The following PLD5 variants were observed in gnomAD, a reference collection of about 807,000 sequenced individuals.
PLD5 encodes the protein phospholipase D family member 5, also known as inactive phospholipase D5.
Under a neutral mutation model 61.1 loss-of-function variants are expected in PLD5, and 36 were observed. The observed-to-expected ratio is 0.59, with a 90% confidence interval of 0.45 to 0.78. PLD5 has a LOEUF of 0.78. PLD5 is among the 30% of genes least tolerant of loss of function. The probability of loss-of-function intolerance (pLI) is 0.00; values close to 1 mark genes in which losing one functional copy is unlikely to be tolerated. For synonymous variants in PLD5, 243 were observed against 242.8 expected, an observed-to-expected ratio of 1.00 and a Z score of -0.01; for missense variants, 515 against 644.4, an observed-to-expected ratio of 0.80 and a Z score of 2.17.
intron 4 of PLD5, among the ~76,000 whole-genome samples, chr1:242,247,046 C>A (rs561528923): frequency 2.4e-4 from 36 of 148,682 alleles, no homozygotes; most frequent in African/African-American, 4.0e-4. Flanking sequence ...TGCAGTGGCG[C>A]GATCTCGACT....
intron 4 of PLD5, among the ~76,000 whole-genome samples, chr1:242,247,487 C>T (rs1228590840): frequency 6.6e-6 from 1 of 152,158 alleles, no homozygotes; most frequent in Non-Finnish European, 1.5e-5. Context: ...TGTGACTTAA[C>T]CCTTGCCTTG....
At chr1:242,422,770 C>T (rs2149300644) in intron 1 of PLD5, among the ~76,000 whole-genome samples, 1 of 151,626 alleles carries the variant, frequency 6.6e-6, no homozygotes, top group South Asian at 2.1e-4. Context: ...GCATTATGAG[C>T]AAAAAGCAGC....
At chr1:242,483,734 A>T (rs1667863510) in intron 1 of PLD5, among the ~76,000 whole-genome samples, 1 of 152,102 alleles carries the variant, frequency 6.6e-6, no homozygotes. Flanking sequence ...AGAACTCTCC[A>T]CCCCAAATCA....
At chr1:242,479,672 A>T (rs1667706980) in intron 1 of PLD5, among the ~76,000 whole-genome samples, 1 of 152,168 alleles carries the variant, frequency 6.6e-6, no homozygotes, top group Non-Finnish European at 1.5e-5. Context: ...TAACATGCTG[A>T]TGCTAAAATA....
At chr1:242,365,984 G>A (rs1461757477) in intron 1 of PLD5, among the ~76,000 whole-genome samples, 1 of 152,084 alleles carries the variant, frequency 6.6e-6, no homozygotes, top group East Asian at 1.9e-4. Flanking sequence ...GGTTTAGGTG[G>A]CATCATTAGT....
chr1:242,501,438 C>G (rs1379869813), intron 1 of PLD5, among the ~76,000 whole-genome samples: 5 of 152,190 alleles, frequency 3.3e-5, no homozygotes, highest in Non-Finnish European at 7.3e-5. Context: ...TCCACTAACT[C>G]TCGTATGACC....
intron 4 of PLD5, among the ~76,000 whole-genome samples, chr1:242,261,708 T>C (rs779289951): frequency 5.3e-5 from 8 of 152,136 alleles, no homozygotes; most frequent in Non-Finnish European, 1.0e-4. Context: ...CAAGAGAATA[T>C]GGAAATGGTC....
intron 4 of PLD5, among the ~76,000 whole-genome samples, chr1:242,221,881 T>C (rs990680686): frequency 6.6e-6 from 1 of 152,166 alleles, no homozygotes; most frequent in African/African-American, 2.4e-5. Context: ...AGATACGGGA[T>C]TAGTTCCCTA....
chr1:242,107,739 G>A lies in PLD5; in HGVS notation c.1171C>T (p.Leu391Phe). The A allele has an allele frequency of 5.0e-6, 8 of 1,611,712 alleles. No homozygotes were observed. Among genetic ancestry groups the A allele is most frequent in the Non-Finnish European group, 5.9e-6 (7 of 1,179,500 alleles). The change falls in exon 8 of 10, where the codon CTT becomes TTT. Residue 391 changes from leucine (L) to phenylalanine (F), a missense_variant. Leu to Phe is a conservative substitution (Grantham distance 22). Coordinates refer to ENST00000536534, the MANE Select transcript of PLD5 (RefSeq NM_001372062.1). ...AGAGATGAAATAAAGTTAAACGTAA[G>A]GGGATCAGTTTCCTTCCAGAAGCTT... is the stretch of plus-strand genomic sequence containing the variant. Reference protein sequence around the residue: ...LLSFWKETDPLTFNFISSLKA... With the variant: ...LLSFWKETDPFTFNFISSLKA...
At chr1:242,477,719 G>A (rs1667642704) in intron 1 of PLD5, among the ~76,000 whole-genome samples, 1 of 152,194 alleles carries the variant, frequency 6.6e-6, no homozygotes, top group Non-Finnish European at 1.5e-5. Context: ...GTGGACAGGT[G>A]AGCCAAGGAT....
chr1:242,277,801 G>A (rs1674496658), intron 3 of PLD5, among the ~76,000 whole-genome samples: 3 of 151,780 alleles, frequency 2.0e-5, no homozygotes, highest in Non-Finnish European at 4.4e-5. Context: ...TGGCCAACAC[G>A]GTGAAACCTC....
At chr1:242,437,972 C>T (rs946247168) in intron 1 of PLD5, among the ~76,000 whole-genome samples, 6 of 152,178 alleles carry the variant, frequency 3.9e-5, no homozygotes, top group Non-Finnish European at 8.8e-5. Context: ...GAAGTATTAC[C>T]TCTTCCTTTC....
At chr1:242,366,691 C>G (rs1225749063) in intron 1 of PLD5, among the ~76,000 whole-genome samples, 1 of 152,046 alleles carries the variant, frequency 6.6e-6, no homozygotes, top group Admixed American at 6.6e-5. Flanking sequence ...ATAAATTCAG[C>G]GTTGGATATG....
upstream of PLD5, among the ~76,000 whole-genome samples, chr1:242,528,229 A>G (rs1229346792): frequency 6.6e-6 from 1 of 152,236 alleles, no homozygotes; most frequent in African/African-American, 2.4e-5. Flanking sequence ...AATGGGGAAT[A>G]ATCATTGCTA....
At chr1:242,480,005 C>T (rs536062474) in intron 1 of PLD5, among the ~76,000 whole-genome samples, 2 of 150,352 alleles carry the variant, frequency 1.3e-5, no homozygotes, top group Admixed American at 1.3e-4. Context: ...AAGTCGAGAT[C>T]GTGCCACTGC....
chr1:242,260,135 T>G (rs1393849774), intron 4 of PLD5, among the ~76,000 whole-genome samples: 1 of 151,944 alleles, frequency 6.6e-6, no homozygotes, highest in Non-Finnish European at 1.5e-5. Context: ...GATCATGAGG[T>G]CAGGAGTTCG....
intron 4 of PLD5, among the ~76,000 whole-genome samples, chr1:242,237,691 G>A (rs1474518279): frequency 6.6e-6 from 1 of 152,146 alleles, no homozygotes; most frequent in Non-Finnish European, 1.5e-5. Context: ...TCTCCACATG[G>A]ATGCCATGTA....
intron 1 of PLD5, among the ~76,000 whole-genome samples, chr1:242,349,176 G>A (rs1660331815): frequency 6.6e-6 from 1 of 152,202 alleles, no homozygotes; most frequent in African/African-American, 2.4e-5. Flanking sequence ...AAGATTTTCT[G>A]ATTGGCAATT....
rs1659643709 is a variant in PLD5 at position 242,089,480 on chromosome 1, C to A, written c.*374G>T. 4.6e-6 allele frequency: 2 copies of A among 437,398 alleles called. No individual in the cohort carries two copies. Among genetic ancestry groups the A allele is most frequent in the South Asian group, 1.6e-4 (2 of 12,520 alleles). 27.1% of individuals were successfully genotyped at this position (437,398 alleles called of 1,614,324 possible). On this transcript the variant is annotated 3_prime_UTR_variant, in exon 10 of 10. Transcript: ENST00000536534. ...ATCCTCACCTTCCTCTCTAAATCAA[C>A]AGTTCTCAGAATGGTGTTAAAGAGC... is the stretch of plus-strand genomic sequence containing the variant.
Sources: gnomAD v4.1 joint callset for allele counts (sites outside exome capture counted in the v4.1 genomes callset) on GRCh38, gnomAD v4.1.1 for gene constraint, MANE v1.5 for transcripts, NCBI Gene and HGNC (gene_info 2026-07-23, HGNC 2026-07-21) for gene names.